The following DGKB variants were observed in gnomAD, a reference collection of about 807,000 sequenced individuals.
The protein encoded by DGKB is diacylglycerol kinase beta.
A neutral mutation model predicts 114.3 loss-of-function variants in DGKB; 67 were observed. The observed-to-expected ratio is 0.59, with a 90% CI of 0.48 to 0.72. The LOEUF (loss-of-function observed/expected upper bound fraction) is 0.72. DGKB is among the 30% of genes least tolerant of loss of function. The pLI, the probability that DGKB is intolerant of heterozygous loss-of-function variation, is 0.00. For synonymous variants in DGKB, 398 were observed against 323.1 expected (o/e 1.23, Z -2.49); for missense variants, 907 against 975.2 (o/e 0.93, Z 0.93).
At chr7:14,387,020 C>A (rs1214780663) in intron 21 of DGKB, among the ~76,000 whole-genome samples, 3 of 151,726 alleles carry the variant, frequency 2.0e-5, no homozygotes, top group African/African-American at 7.3e-5. Flanking sequence ...CGAAAGCAGT[C>A]AGGGAGCTAA....
rs533843170 is a variant in DGKB, at chr7:14,262,232, G to A, written c.2122+76283C>T. The stretch of plus-strand genomic sequence containing the variant: ...ATAATTGAGCCCACGTAGAATTTAC[G>A]TTGTAGAATGGATGGTACTGTGGTT... On this transcript the variant is annotated intron_variant, in intron 23 of 25. Transcript: ENST00000402815. Among the ~76,000 whole-genome samples, 200 of 152,304 alleles carry A rather than the reference G, an allele frequency of 1.3e-3. 1 individual carries two copies. Among genetic ancestry groups the A allele is most frequent in the South Asian group, 3.7e-3 (18 of 4,832 alleles).
intron 10 of DGKB, 28 bp from the exon 11 acceptor site, chr7:14,682,869 G>A: frequency 2.7e-6 from 4 of 1,487,164 alleles, no homozygotes; most frequent in Non-Finnish European, 3.7e-6. Context: ...CACAAATTCA[G>A]AGCTAATCCT....
At chr7:14,500,712 G>A (rs934238694) in intron 20 of DGKB, among the ~76,000 whole-genome samples, 8 of 151,774 alleles carry the variant, frequency 5.3e-5, no homozygotes, top group African/African-American at 1.4e-4. Flanking sequence ...AATTGGATTC[G>A]GTACTAGGTG....
intron 23 of DGKB, among the ~76,000 whole-genome samples, chr7:14,279,081 G>A (rs1799469461): frequency 6.6e-6 from 1 of 152,224 alleles, no homozygotes; most frequent in Non-Finnish European, 1.5e-5. Flanking sequence ...AGCGCAAGGG[G>A]TCAGGGAGTT....
chr7:14,843,620 C>A (rs1341034987), intron 1 of DGKB, among the ~76,000 whole-genome samples: 2 of 152,138 alleles, frequency 1.3e-5, no homozygotes, highest in Non-Finnish European at 2.9e-5. Context: ...AGGCGTGAGC[C>A]ACCGCGCCCA....
intron 23 of DGKB, among the ~76,000 whole-genome samples, chr7:14,284,940 A>G (rs1220604028): frequency 6.6e-6 from 1 of 151,756 alleles, no homozygotes; most frequent in African/African-American, 2.4e-5. Context: ...GAAGCACACC[A>G]GCATGGCACA....
intron 14 of DGKB, among the ~76,000 whole-genome samples, chr7:14,626,178 T>A (rs1246653036): frequency 6.6e-6 from 1 of 152,140 alleles, no homozygotes; most frequent in East Asian, 1.9e-4. Context: ...CACAAAAGGG[T>A]TGTTTACCAC....
chr7:14,387,409 C>T (rs1310577903), intron 21 of DGKB, among the ~76,000 whole-genome samples: 3 of 29,072 alleles, frequency 1.0e-4, no homozygotes, highest in Admixed American at 5.7e-4. Context: ...GAGACTCCAT[C>T]TCAAAAAAAA....
At chr7:14,168,721 C>T (rs1780341675) in intron 25 of DGKB, among the ~76,000 whole-genome samples, 1 of 152,172 alleles carries the variant, frequency 6.6e-6, no homozygotes, top group Admixed American at 6.5e-5. Context: ...GAGCTGGATG[C>T]AGGCATGCGT....
intron 1 of DGKB, among the ~76,000 whole-genome samples, chr7:14,860,000 G>C (rs931294342): frequency 6.6e-6 from 1 of 152,042 alleles, no homozygotes; most frequent in Non-Finnish European, 1.5e-5. Flanking sequence ...GAAGCAATTT[G>C]ATGATACCTA....
intron 21 of DGKB, among the ~76,000 whole-genome samples, chr7:14,387,499 A>G (rs1001587500): frequency 4.0e-5 from 6 of 151,654 alleles, no homozygotes; most frequent in Non-Finnish European, 5.9e-5. Flanking sequence ...TGAAGCCTCA[A>G]TTTCCTGGGC....
At chr7:14,954,724 G>T (rs1381465343) in intron 1 of DGKB, among the ~76,000 whole-genome samples, 1 of 151,876 alleles carries the variant, frequency 6.6e-6, no homozygotes, top group South Asian at 2.1e-4. Context: ...AAGAAAAGGA[G>T]ATATGGAAAA....
intron 1 of DGKB, among the ~76,000 whole-genome samples, chr7:14,973,570 T>C (rs1787620511): frequency 6.7e-6 from 1 of 149,342 alleles, no homozygotes; most frequent in Admixed American, 6.7e-5. Flanking sequence ...TTGTGTTAGT[T>C]AATACACTCA....
At chr7:14,913,424 T>A (rs966856266) in intron 1 of DGKB, among the ~76,000 whole-genome samples, 1 of 150,766 alleles carries the variant, frequency 6.6e-6, no homozygotes, top group Non-Finnish European at 1.5e-5. Flanking sequence ...AGGTTATGTA[T>A]CCTAATCATC....
intron 6 of DGKB, among the ~76,000 whole-genome samples, chr7:14,716,247 A>G (rs1005413228): frequency 1.2e-4 from 19 of 152,152 alleles, no homozygotes; most frequent in Admixed American, 1.2e-3. Context: ...TAGCATCCGC[A>G]TCACCTGGAA....
chr7:14,432,722 C>T (rs1828653705), intron 21 of DGKB, among the ~76,000 whole-genome samples: 1 of 152,188 alleles, frequency 6.6e-6, no homozygotes, highest in Non-Finnish European at 1.5e-5. Flanking sequence ...TGTTGGCCTT[C>T]ATCCTGTGCC....
rs77338491 is a variant in DGKB, at chr7:14,934,242, T to C, written c.-188+40454A>G. ...TATGTTTCCCTCTTGACTTCACTAA[T>C]ATCCAAAATTACTTATGTAATAAAT... On this transcript the variant is annotated intron_variant, in intron 1 of 4. Transcript: ENST00000437998. Among the ~76,000 whole-genome samples, 899 of 152,316 alleles carry C rather than the reference T, an allele frequency of 5.9e-3. 10 individuals carry two copies. Among genetic ancestry groups the C allele is most frequent in the African/African-American group, 0.019 (809 of 41,592 alleles).
At chr7:14,160,141 ATT>A (rs749259618) in intron 25 of DGKB, among the ~76,000 whole-genome samples, 15 of 152,162 alleles carry the variant, frequency 9.9e-5, no homozygotes, top group Non-Finnish European at 2.2e-4. Context: ...AATAATAGCT[ATT>A]TATGACAAAC....
intron 21 of DGKB, among the ~76,000 whole-genome samples, chr7:14,395,770 CATT>C (rs1471257994): frequency 1.3e-5 from 2 of 151,772 alleles, no homozygotes; most frequent in Non-Finnish European, 2.9e-5. Flanking sequence ...TTAAGATATA[CATT>C]ATTTCACAAT....
Sources: gnomAD v4.1 joint callset for allele counts (sites outside exome capture counted in the v4.1 genomes callset) on GRCh38, gnomAD v4.1.1 for gene constraint, MANE v1.5 for transcripts, NCBI Gene and HGNC (gene_info 2026-07-23, HGNC 2026-07-21) for gene names.